PTPRO: variants seen among roughly 807,000 people sequenced by gnomAD.
PTPRO encodes the protein protein tyrosine phosphatase receptor type O, also known as receptor-type tyrosine-protein phosphatase O.
Under a neutral mutation model 145.2 loss-of-function variants are expected in PTPRO, and 62 were observed. The ratio of observed to expected loss-of-function variants is 0.43; its 90% CI spans 0.35 to 0.53. The LOEUF (loss-of-function observed/expected upper bound fraction) is 0.53, where lower values mean the gene tolerates loss of function less well. PTPRO is among the 20% of genes least tolerant of loss of function. PTPRO has a pLI of 0.01. For synonymous variants in PTPRO, 565 were observed against 514.7 expected, an observed-to-expected ratio of 1.10 and a Z score of -1.32; for missense variants, 1,345 against 1,482.7, an observed-to-expected ratio of 0.91 and a Z score of 1.53.
At chr12:15,484,474 A>T (rs1941845441) in intron 2 of PTPRO, among the ~76,000 whole-genome samples, 1 of 152,170 alleles carries the variant, frequency 6.6e-6, no homozygotes, top group Non-Finnish European at 1.5e-5. Context: ...AGTAAACCTC[A>T]ATGATGTAGT....
chr12:15,480,798 CACAG>C (rs970306128), intron 1 of PTPRO, among the ~76,000 whole-genome samples: 7 of 152,182 alleles, frequency 4.6e-5, no homozygotes, highest in East Asian at 1.9e-4. Context: ...CAGACACACA[CACAG>C]ACAGAGAGAC....
intron 7 of PTPRO, among the ~76,000 whole-genome samples, chr12:15,513,162 AAAGAAAG>A (rs1447054349): frequency 4.9e-5 from 1 of 20,452 alleles, no homozygotes; most frequent in East Asian, 7.9e-4. Context: ...AAAGAAAAAG[AAAGAAAG>A]AAAGAAAGAA....
At chr12:15,343,171 G>A (rs1426858493) in intron 1 of PTPRO, among the ~76,000 whole-genome samples, 1 of 151,932 alleles carries the variant, frequency 6.6e-6, no homozygotes, top group East Asian at 1.9e-4. Context: ...TAAAGCCTGT[G>A]TTAAATTTCT....
At chr12:15,425,816 A>G (rs976376380) in intron 1 of PTPRO, among the ~76,000 whole-genome samples, 2 of 151,994 alleles carry the variant, frequency 1.3e-5, no homozygotes, top group Non-Finnish European at 2.9e-5. Context: ...TGCTCTAATT[A>G]CTGTTACTTT....
intron 7 of PTPRO, among the ~76,000 whole-genome samples, chr12:15,513,568 A>T (rs1226090847): frequency 6.6e-6 from 1 of 152,200 alleles, no homozygotes; most frequent in Non-Finnish European, 1.5e-5. Context: ...TACTGTGTAT[A>T]ATCAGTTTCC....
chr12:15,459,503 T>C (rs1173918822), intron 1 of PTPRO, among the ~76,000 whole-genome samples: 1 of 152,144 alleles, frequency 6.6e-6, no homozygotes, highest in Admixed American at 6.6e-5. Context: ...AGGGTGGGGA[T>C]TATGGTTAGA....
At chr12:15,437,257 A>AG (rs1940623069) in intron 1 of PTPRO, among the ~76,000 whole-genome samples, 1 of 151,730 alleles carries the variant, frequency 6.6e-6, no homozygotes, top group Non-Finnish European at 1.5e-5. Flanking sequence ...ATGCCCAGGA[A>AG]GATCTCCAGG....
intron 1 of PTPRO, among the ~76,000 whole-genome samples, chr12:15,461,845 C>T (rs1388705040): frequency 1.3e-5 from 2 of 151,958 alleles, no homozygotes; most frequent in African/African-American, 2.4e-5. Context: ...GGTTTACAGG[C>T]GTGAGCAACC....
chr12:15,497,593 T>C (rs945265178), intron 3 of PTPRO, among the ~76,000 whole-genome samples, 190 bp downstream of exon 3: 1 of 152,266 alleles, frequency 6.6e-6, no homozygotes, highest in Admixed American at 6.5e-5. Context: ...GGTTCATTAC[T>C]TGAGAGTCGT....
At chr12:15,575,418 G>A (rs1390623198) in intron 19 of PTPRO, among the ~76,000 whole-genome samples, 3 of 152,180 alleles carry the variant, frequency 2.0e-5, no homozygotes, top group Admixed American at 1.3e-4. Context: ...CTCAGGATCA[G>A]CCAAGATAAG....
intron 1 of PTPRO, among the ~76,000 whole-genome samples, chr12:15,373,626 A>C (rs1031828917): frequency 6.6e-5 from 10 of 152,222 alleles, no homozygotes; most frequent in Admixed American, 5.9e-4. Flanking sequence ...GAAGGAATAT[A>C]TTTTGAGTAG....
At chr12:15,416,682 C>A (rs1250041062) in intron 1 of PTPRO, among the ~76,000 whole-genome samples, 4 of 150,776 alleles carry the variant, frequency 2.7e-5, no homozygotes. Flanking sequence ...AAGAACTGAG[C>A]AGTTTCTTGT....
At chr12:15,543,975 C>A (rs914717342) in intron 12 of PTPRO, among the ~76,000 whole-genome samples, 2 of 152,188 alleles carry the variant, frequency 1.3e-5, no homozygotes, top group Non-Finnish European at 2.9e-5. Flanking sequence ...GGATAGCATG[C>A]AGCCAGTTTA....
chr12:15,516,617 G>A, intron 8 of PTPRO, 146 bp from the exon 9 acceptor site: 3 of 675,108 alleles, frequency 4.4e-6, no homozygotes, highest in South Asian at 3.4e-5. Flanking sequence ...AAGGGAGGAA[G>A]GAAGGAAGGA....
intron 1 of PTPRO, among the ~76,000 whole-genome samples, chr12:15,360,887 C>T (rs1378360401): frequency 1.9e-5 from 2 of 106,264 alleles, no homozygotes; most frequent in African/African-American, 3.3e-5. Flanking sequence ...CACACATACA[C>T]ATGTGTATAT....
chr12:15,338,663 G>A (rs577139198), intron 1 of PTPRO, among the ~76,000 whole-genome samples: 1 of 152,116 alleles, frequency 6.6e-6, no homozygotes, highest in South Asian at 2.1e-4. Context: ...AAGAGGTAAG[G>A]GCAAAATATT....
intron 12 of PTPRO, among the ~76,000 whole-genome samples, chr12:15,528,166 T>C (rs1942881439): frequency 6.6e-6 from 1 of 150,870 alleles, no homozygotes; most frequent in Non-Finnish European, 1.5e-5. Flanking sequence ...AAATACACCA[T>C]TGGAGGAGAA....
At chr12:15,544,211 A>G (rs1421129000) in intron 12 of PTPRO, among the ~76,000 whole-genome samples, 4 of 152,094 alleles carry the variant, frequency 2.6e-5, no homozygotes, top group African/African-American at 9.7e-5. Context: ...AAATAGATTA[A>G]AGGAGGCCGG....
In PTPRO at chr12:15,551,766, G is replaced by A. The variant is rs183337774; in HGVS notation, c.2558+95G>A. Reference sequence around the variant, plus strand: ...TTTTGCACACCTAAGTTGTATAGCGGTATATTGGATTTTAGTTTTCAGTGT... The same window carrying A: ...TTTTGCACACCTAAGTTGTATAGCGATATATTGGATTTTAGTTTTCAGTGT... On this transcript the variant is annotated intron_variant, in intron 15 of 26. Coordinates refer to ENST00000281171, the MANE Select transcript of PTPRO (RefSeq NM_030667.3). 5.1e-6 allele frequency: 7 copies of A among 1,370,666 alleles called. No individual in the cohort carries two copies. The Admixed American group carries it at 9.3e-5, about 18-fold the overall frequency. The allele number at this position is 1,370,666 out of a possible 1,614,324, so 84.9% of individuals were successfully genotyped here.
Sources: gnomAD v4.1 joint callset for allele counts (sites outside exome capture counted in the v4.1 genomes callset) on GRCh38, gnomAD v4.1.1 for gene constraint, MANE v1.5 for transcripts, NCBI Gene and HGNC (gene_info 2026-07-23, HGNC 2026-07-21) for gene names.